Variants in ASB11 observed in about 807,000 individuals in gnomAD.
The protein encoded by ASB11 is ankyrin repeat and SOCS box protein 11.
ASB11 carries 17 observed loss-of-function variants against 20.1 expected under a neutral mutation model. The ratio of observed to expected loss-of-function variants is 0.85; its 90% CI spans 0.58 to 1.27. ASB11 has a LOEUF of 1.27. Ranked by LOEUF, ASB11 falls within the 50% of genes most tolerant of loss-of-function variation. ASB11 has a pLI of 0.00. For missense variants in ASB11, 259 were observed against 256.9 expected, an observed-to-expected ratio of 1.01 and a Z score of -0.06; for synonymous variants, 107 against 105.6, an observed-to-expected ratio of 1.01 and a Z score of -0.08.
chrX:15,313,484 C>CAG (rs1334987717), intron 1 of ASB11, among the ~76,000 whole-genome samples: 1 of 110,772 alleles, frequency 9.0e-6, no homozygotes, highest in Non-Finnish European at 1.9e-5. Flanking sequence ...TATACACACA[C>CAG]ACACACACAT....
At chrX:15,284,280 A>AAAGG (rs1384132623) in intron 6 of ASB11, among the ~76,000 whole-genome samples, 1 of 108,971 alleles carries the variant, frequency 9.2e-6, no homozygotes, top group Admixed American at 9.9e-5. Flanking sequence ...AGAAAGAAAG[A>AAAGG]AAGAAAGTAA....
chrX:15,314,059 A>G (rs1477403757), intron 1 of ASB11, among the ~76,000 whole-genome samples: 2 of 99,164 alleles, frequency 2.0e-5, no homozygotes, highest in Non-Finnish European at 3.9e-5. Context: ...CTCCATCTCA[A>G]AAAAAAAAAA....
In ASB11 at chrX:15,302,664, G is replaced by GAATATGT. The variant is rs1921105627; in HGVS notation, c.261+63_261+64insACATATT. The GAATATGT allele has an allele frequency of 7.3e-6, 8 of 1,089,128 alleles. No individual in the cohort carries two copies. In the African/African-American group the frequency reaches 1.3e-4, roughly 17 times the overall value. 89.8% of individuals were successfully genotyped at this position (1,089,128 alleles called of 1,213,427 possible). A position where few individuals can be genotyped will look rare whatever the true frequency, so the allele number is the denominator to read the frequency against. Reference sequence around the variant, plus strand: ...GAGCCACACCTCTGCTACAGCCAAAGCTAATAAAGAATGATGTGTAATTAT... The same window carrying GAATATGT: ...GAGCCACACCTCTGCTACAGCCAAAGAATATGTCTAATAAAGAATGATGTGTAATTAT... On this transcript the variant is annotated intron_variant, in intron 2 of 6. Transcript: ENST00000480796.
intron 1 of ASB11, among the ~76,000 whole-genome samples, chrX:15,312,162 G>A (rs1921447391): frequency 9.1e-6 from 1 of 109,933 alleles, no homozygotes; most frequent in Admixed American, 9.8e-5. Flanking sequence ...CTGAAGGTGG[G>A]ATCCAGTGAT....
intron 1 of ASB11, among the ~76,000 whole-genome samples, chrX:15,306,757 G>T (rs1032035080): frequency 8.9e-6 from 1 of 111,945 alleles, no homozygotes; most frequent in Non-Finnish European, 1.9e-5. Context: ...TTTATAATTT[G>T]CATAAACTGG....
In ASB11 at chrX:15,296,167, C is replaced by A. The variant is rs374605946; in HGVS notation, c.369+1407G>T. 3.1e-3 allele frequency among the ~76,000 whole-genome samples: 342 copies of A among 110,206 alleles called. 1 individual carries two copies. The highest frequency in any genetic ancestry group is 0.011 in the African/African-American group (320 of 30,322). ...AGGAGGCTGAGGCAGGGGAATCGTT[C>A]GAATCTAGGAAGTGGAGTTTGCAGT... On this transcript the variant is annotated intron_variant, in intron 3 of 6. Coordinates refer to ENST00000480796, the MANE Select transcript of ASB11 (RefSeq NM_080873.3).
At chrX:15,306,744 A>G (rs1450046133) in intron 1 of ASB11, among the ~76,000 whole-genome samples, 1 of 111,932 alleles carries the variant, frequency 8.9e-6, no homozygotes, top group African/African-American at 3.3e-5. Context: ...AACTCTTTGG[A>G]TATTTATAAT....
chrX:15,313,790 G>A (rs762111472), intron 1 of ASB11, among the ~76,000 whole-genome samples: 1 of 111,174 alleles, frequency 9.0e-6, no homozygotes, highest in South Asian at 3.7e-4. Context: ...GGTGGCTCAC[G>A]CCTGTAATCC....
At chrX:15,297,209 G>A (rs1489541377) in intron 3 of ASB11, among the ~76,000 whole-genome samples, 2 of 111,783 alleles carry the variant, frequency 1.8e-5, no homozygotes, top group East Asian at 2.8e-4. Context: ...GGAGAATGGC[G>A]TGAACCCCGG....
chrX:15,284,023 T>A (rs113419621), intron 6 of ASB11, among the ~76,000 whole-genome samples: 1 of 109,076 alleles, frequency 9.2e-6, no homozygotes, highest in Non-Finnish European at 1.9e-5. Flanking sequence ...GAGGCCAAGG[T>A]GGGCGGATCA....
In ASB11 at chrX:15,297,651, G is replaced by A; in HGVS notation, c.292C>T (p.Arg98Trp). Residue 98 changes from arginine (R) to tryptophan (W), a missense_variant, in exon 3 of 7, where the codon CGG becomes TGG. By Grantham distance (101) the Arg-to-Trp change is moderately radical. Coordinates refer to ENST00000480796, the MANE Select transcript of ASB11 (RefSeq NM_080873.3). The part of the protein sequence containing the change: ...GVNVNLVTIN[R>W]VSSLHEACLG... Reference sequence around the variant, plus strand: ...CATGCCTCGTGGAGAGAAGACACCCGGTTAATTGTCACAAGGTTCACATTG... The same window carrying A: ...CATGCCTCGTGGAGAGAAGACACCCAGTTAATTGTCACAAGGTTCACATTG... 7 of 1,210,146 alleles carry A rather than the reference G, an allele frequency of 5.8e-6. No homozygotes were observed. The highest frequency in any genetic ancestry group is 7.8e-6 in the Non-Finnish European group (7 of 894,398).
chrX:15,291,241 T>G lies in ASB11; in HGVS notation c.521-1603A>C, dbSNP rs908801175. On this transcript the variant is annotated intron_variant, in intron 4 of 6. Transcript: ENST00000480796. ...TACAGAGACACACAAATTATGTGTTTATTATGAGCATATATATGTTTTATA... is the reference window on the plus strand; with the variant it reads ...TACAGAGACACACAAATTATGTGTTGATTATGAGCATATATATGTTTTATA... Among the ~76,000 whole-genome samples the G allele has an allele frequency of 3.4e-4, 38 of 111,806 alleles. 1 individual carries two copies. The highest frequency in any genetic ancestry group is 1.2e-3 in the African/African-American group (37 of 30,826).
intron 6 of ASB11, among the ~76,000 whole-genome samples, chrX:15,284,373 C>A (rs773890792): frequency 1.8e-5 from 2 of 110,760 alleles, no homozygotes; most frequent in African/African-American, 3.3e-5. Flanking sequence ...AGGGACAATA[C>A]GGAAAGGGTG....
intron 1 of ASB11, among the ~76,000 whole-genome samples, chrX:15,314,101 C>T (rs1309499050): frequency 9.6e-6 from 1 of 103,715 alleles, no homozygotes; most frequent in African/African-American, 3.5e-5. Context: ...TTAAAGACCA[C>T]AAAGACAGAA....
chrX:15,298,504 C>G (rs1233824898), intron 2 of ASB11, among the ~76,000 whole-genome samples: 1 of 111,133 alleles, frequency 9.0e-6, no homozygotes, highest in African/African-American at 3.3e-5. Context: ...GAGGGCATGT[C>G]TTAGAGGAAA....
At chrX:15,297,165 G>A (rs1195599894) in intron 3 of ASB11, among the ~76,000 whole-genome samples, 1 of 112,264 alleles carries the variant, frequency 8.9e-6, no homozygotes, top group Non-Finnish European at 1.9e-5. Flanking sequence ...GGCGGCGTGT[G>A]CCTGTAGTCC....
intron 6 of ASB11, among the ~76,000 whole-genome samples, chrX:15,284,264 A>G (rs1391976333): frequency 2.8e-5 from 3 of 107,653 alleles, no homozygotes; most frequent in Non-Finnish European, 5.7e-5. Context: ...AAAAAAAAAA[A>G]AAAAAAGAAA....
At chrX:15,304,675 C>T (rs1286297906) in intron 1 of ASB11, among the ~76,000 whole-genome samples, 2 of 111,778 alleles carry the variant, frequency 1.8e-5, no homozygotes, top group African/African-American at 6.5e-5. Flanking sequence ...GTTAGGAGTT[C>T]GAGACCAGCC....
chrX:15,303,533 T>C (rs1807323383), intron 1 of ASB11, among the ~76,000 whole-genome samples: 1 of 111,546 alleles, frequency 9.0e-6, no homozygotes, highest in Non-Finnish European at 1.9e-5. Flanking sequence ...ACATATCTAT[T>C]ATACTGCAGA....
Sources: gnomAD v4.1 joint callset for allele counts (sites outside exome capture counted in the v4.1 genomes callset) on GRCh38, gnomAD v4.1.1 for gene constraint, MANE v1.5 for transcripts, NCBI Gene and HGNC (gene_info 2026-07-23, HGNC 2026-07-21) for gene names.